Variants in RABGAP1L observed in about 807,000 individuals in gnomAD.
RABGAP1L encodes RAB GTPase activating protein 1 like.
RABGAP1L carries 63 observed loss-of-function variants against 137.7 expected under a neutral mutation model. The ratio of observed to expected loss-of-function variants is 0.46; its 90% CI spans 0.37 to 0.56. The LOEUF (loss-of-function observed/expected upper bound fraction) is 0.56, where lower values mean the gene tolerates loss of function less well. Among genes scored for constraint, RABGAP1L ranks in the 20% least tolerant of loss-of-function variants. The pLI, the probability that RABGAP1L is intolerant of heterozygous loss-of-function variation, is 0.00. For synonymous variants in RABGAP1L, 431 were observed against 433.7 expected, an observed-to-expected ratio of 0.99 and a Z score of 0.08; for missense variants, 1,095 against 1,244.0, an observed-to-expected ratio of 0.88 and a Z score of 1.80.
chr1:174,309,933 G>A (rs1396008943), intron 11 of RABGAP1L, among the ~76,000 whole-genome samples: 2 of 152,082 alleles, frequency 1.3e-5, no homozygotes, highest in African/African-American at 4.8e-5. Context: ...GAGAACAGTT[G>A]GTATTAATTC....
At position 174,448,686 on chromosome 1, in the gene RABGAP1L, G is replaced by T; in HGVS notation, c.1710+54541G>T. The T allele has an allele frequency of 2.5e-6, 4 of 1,613,862 alleles. No homozygotes were observed. The highest frequency in any genetic ancestry group is 3.4e-6 in the Non-Finnish European group (4 of 1,179,838). ...GGTTACCATGGTGACATTTTTGAAT[G>T]GTGTGCCACGTCTTGGCTCACCAGT... On this transcript the variant is annotated intron_variant, in intron 13 of 25. Transcript: ENST00000681986. This position sits in a 1 kb window ranked among gnomAD's most constrained non-coding sequence, Gnocchi z 4.2.
chr1:174,643,311 G>A (rs1425412351), intron 14 of RABGAP1L, among the ~76,000 whole-genome samples: 1 of 152,150 alleles, frequency 6.6e-6, no homozygotes, highest in African/African-American at 2.4e-5. Context: ...TCTATTCTCT[G>A]TGTATCTCCT....
intron 12 of RABGAP1L, among the ~76,000 whole-genome samples, chr1:174,373,426 T>C (rs1685268114): frequency 6.6e-6 from 1 of 152,048 alleles, no homozygotes; most frequent in South Asian, 2.1e-4. Flanking sequence ...ACTGGAGAAA[T>C]AAAATGAAAG....
At chr1:174,245,603 A>G (rs1672188687) in intron 5 of RABGAP1L, 1 of 151,832 alleles carries the variant, frequency 6.6e-6, no homozygotes, top group South Asian at 2.1e-4. Flanking sequence ...GGTGCCTTTC[A>G]TAGAATGATT....
chr1:174,431,615 T>C (rs1461347950), intron 13 of RABGAP1L, among the ~76,000 whole-genome samples: 1 of 152,106 alleles, frequency 6.6e-6, no homozygotes, highest in East Asian at 1.9e-4. Context: ...CTCTAGAAAA[T>C]AAGGACAGCA....
At chr1:174,719,922 T>C (rs2148586663) in intron 17 of RABGAP1L, among the ~76,000 whole-genome samples, 2 of 152,276 alleles carry the variant, frequency 1.3e-5, no homozygotes, top group African/African-American at 4.8e-5. Context: ...TTATGATGGC[T>C]ATAATATATA....
intron 19 of RABGAP1L, among the ~76,000 whole-genome samples, chr1:174,888,281 T>A (rs935324251): frequency 6.6e-6 from 1 of 152,200 alleles, no homozygotes; most frequent in African/African-American, 2.4e-5. Context: ...AAGGAATTGA[T>A]AAATTTCAGT....
chr1:174,862,676 A>G (rs758301264), intron 19 of RABGAP1L, among the ~76,000 whole-genome samples: 2 of 152,018 alleles, frequency 1.3e-5, no homozygotes, highest in African/African-American at 2.4e-5. Flanking sequence ...TTTTCATTCA[A>G]TTTATCTTTT....
chr1:174,950,684 T>G (rs981451243), intron 19 of RABGAP1L, among the ~76,000 whole-genome samples: 7 of 152,198 alleles, frequency 4.6e-5, no homozygotes, highest in Admixed American at 6.5e-5. Flanking sequence ...ATTTCTATTT[T>G]TTCTCTGTCC....
intron 13 of RABGAP1L, among the ~76,000 whole-genome samples, chr1:174,553,865 A>T (rs988912960): frequency 1.3e-5 from 2 of 152,126 alleles, no homozygotes; most frequent in Admixed American, 6.5e-5. Flanking sequence ...GGTGGCACAC[A>T]CCTGTAGTCC....
At chr1:174,265,097 T>G (rs1388666912) in intron 7 of RABGAP1L, among the ~76,000 whole-genome samples, 1 of 152,206 alleles carries the variant, frequency 6.6e-6, no homozygotes, top group Admixed American at 6.5e-5. Context: ...CAGCTGTAGC[T>G]GTACAGGGGA....
At chr1:174,712,550 A>G (rs965003165) in intron 17 of RABGAP1L, among the ~76,000 whole-genome samples, 1 of 152,118 alleles carries the variant, frequency 6.6e-6, no homozygotes, top group Non-Finnish European at 1.5e-5. Flanking sequence ...CTGTGGACAC[A>G]CCATCTTTAA....
intron 16 of RABGAP1L, 70 bp from the exon 17 acceptor site, chr1:174,702,043 T>A (rs916863428): frequency 7.0e-6 from 10 of 1,434,382 alleles, no homozygotes; most frequent in Non-Finnish European, 9.5e-6. Flanking sequence ...TAAGTTGCAG[T>A]TGTGGCAGGA....
At chr1:174,572,701 G>A (rs1046043280) in intron 13 of RABGAP1L, among the ~76,000 whole-genome samples, 5 of 152,084 alleles carry the variant, frequency 3.3e-5, no homozygotes, top group East Asian at 3.9e-4. Context: ...TTTTAAATAC[G>A]TTAAAGTTAC....
At chr1:174,776,300 G>T (rs960163524) in intron 18 of RABGAP1L, among the ~76,000 whole-genome samples, 1 of 152,082 alleles carries the variant, frequency 6.6e-6, no homozygotes, top group African/African-American at 2.4e-5. Context: ...CTTGAACCCC[G>T]GTGGGTGGAG....
At chr1:174,559,493 A>C (rs1282739025) in intron 13 of RABGAP1L, among the ~76,000 whole-genome samples, 2 of 152,248 alleles carry the variant, frequency 1.3e-5, no homozygotes, top group Non-Finnish European at 2.9e-5. Flanking sequence ...GACTGGTAAC[A>C]TATTAAGAAT....
chr1:174,850,762 A>G (rs764944850), intron 19 of RABGAP1L, among the ~76,000 whole-genome samples: 1 of 152,222 alleles, frequency 6.6e-6, no homozygotes, highest in Non-Finnish European at 1.5e-5. Flanking sequence ...TCAAGCCTAC[A>G]TTATCTGAGT....
Position 174,448,392 on chromosome 1 carries a change from G to A in RABGAP1L, c.1710+54247G>A. ...GCTGATCTTTTCGTTGGAGTTAGCT[G>A]CTTGGTTCCTACTCTGTCACTTCTC... is the stretch of plus-strand genomic sequence containing the variant. On this transcript the variant is annotated intron_variant, in intron 13 of 25. Transcript: ENST00000681986. The surrounding 1 kb of genome is among the most constrained non-coding windows in gnomAD (Gnocchi z 4.2). The A allele has an allele frequency of 6.2e-7, 1 of 1,613,416 alleles. No individual in the cohort carries two copies. The highest frequency in any genetic ancestry group is 8.5e-7 in the Non-Finnish European group (1 of 1,179,378).
In RABGAP1L at chr1:174,960,647, A is replaced by G. The variant is rs572277564; in HGVS notation, c.2433+3098A>G. Among the ~76,000 whole-genome samples, 3 of 152,322 alleles carry G rather than the reference A, an allele frequency of 2.0e-5. No homozygotes were observed. The South Asian group carries it at 6.2e-4, about 32-fold the overall frequency. On this transcript the variant is annotated intron_variant, in intron 20 of 25. Transcript: ENST00000681986. ...GTGAATTACATCTCCAAAGAAAAAA[A>G]AAAGCAGAATATTCCAGGAGGATTG...
Sources: allele counts gnomAD v4.1 joint callset (sites outside exome capture counted in the v4.1 genomes callset), GRCh38; gene constraint gnomAD v4.1.1; non-coding constraint Gnocchi (gnomAD v3.1); transcripts MANE v1.5; gene names NCBI Gene and HGNC (gene_info 2026-07-23, HGNC 2026-07-21).